PCED1B: variants seen among roughly 807,000 people sequenced by gnomAD.
The protein encoded by PCED1B is PC-esterase domain containing 1B.
For missense variants in PCED1B, 573 were observed against 573.9 expected, an observed-to-expected ratio of 1.00 and a Z score of 0.02; for synonymous variants, 251 against 246.1, an observed-to-expected ratio of 1.02 and a Z score of -0.19.
intron 1 of PCED1B, among the ~76,000 whole-genome samples, chr12:47,090,899 A>AAATTGGAACAACCATTTGTTCCAAC (rs1938235635): frequency 6.6e-6 from 1 of 150,386 alleles, no homozygotes; most frequent in South Asian, 2.2e-4. Flanking sequence ...ATTGTTCCAA[A>AAATTGGAACAACCATTTGTTCCAAC]AATTGGAACA....
At chr12:47,117,543 C>T (rs1372408338) in intron 2 of PCED1B, among the ~76,000 whole-genome samples, 1 of 152,212 alleles carries the variant, frequency 6.6e-6, no homozygotes, top group Non-Finnish European at 1.5e-5. Flanking sequence ...TTCTTTATGG[C>T]TGCATAGTAT....
At chr12:47,223,391 T>C (rs899100409) in intron 3 of PCED1B, 4 of 151,464 alleles carry the variant, frequency 2.6e-5, no homozygotes, top group Non-Finnish European at 5.9e-5. Context: ...AACGGAGGAG[T>C]GAGTGGGAGG....
intron 3 of PCED1B, among the ~76,000 whole-genome samples, chr12:47,226,653 G>C (rs1165505535): frequency 6.6e-6 from 1 of 152,190 alleles, no homozygotes. Context: ...GAGATTACAG[G>C]CGTGAGCCAC....
At chr12:47,229,048 T>G (rs1943718708) in intron 3 of PCED1B, among the ~76,000 whole-genome samples, 1 of 152,058 alleles carries the variant, frequency 6.6e-6, no homozygotes, top group Admixed American at 6.6e-5. Flanking sequence ...TCTTCTTTAT[T>G]GATGATTAAC....
At chr12:47,091,359 G>C (rs1938257768) in intron 1 of PCED1B, among the ~76,000 whole-genome samples, 1 of 151,892 alleles carries the variant, frequency 6.6e-6, no homozygotes, top group Non-Finnish European at 1.5e-5. Flanking sequence ...TGCCCATTAT[G>C]CTGTTGAGTT....
At chr12:47,164,021 G>C (rs2137518856) in intron 2 of PCED1B, among the ~76,000 whole-genome samples, 1 of 152,278 alleles carries the variant, frequency 6.6e-6, no homozygotes, top group African/African-American at 2.4e-5. Context: ...ATCTACTTAT[G>C]AGGGATTAAT....
chr12:47,228,787 C>T (rs11833523), intron 3 of PCED1B, among the ~76,000 whole-genome samples: 1,786 of 151,722 alleles, frequency 0.012, 34 homozygotes, highest in African/African-American at 0.041. Context: ...GCAGGAGAAT[C>T]GCTTGAACCT....
rs1565618943 is a variant in PCED1B, at chr12:47,234,938, C to T, written c.-57-69C>T. On this transcript the variant is annotated intron_variant, in intron 3 of 3. Transcript: ENST00000546455. ...CATCCCCTTCCCCATGGTCTCCCTA[C>T]CCCCAACCTGCACTGGGCGCTCCGC... 7 of 829,226 alleles carry T rather than the reference C, an allele frequency of 8.4e-6. No homozygotes were observed. The Admixed American group carries it at 1.3e-4, about 15-fold the overall frequency. The allele number at this position is 829,226 out of a possible 1,614,324, so 51.4% of individuals were successfully genotyped here.
intron 2 of PCED1B, among the ~76,000 whole-genome samples, chr12:47,200,077 A>G (rs534522170): frequency 6.6e-6 from 1 of 152,218 alleles, no homozygotes; most frequent in East Asian, 1.9e-4. Context: ...GCACAAGCCT[A>G]TAGTCCCAGC....
intron 2 of PCED1B, among the ~76,000 whole-genome samples, chr12:47,175,201 G>A (rs1334040701): frequency 6.6e-6 from 1 of 152,134 alleles, no homozygotes; most frequent in African/African-American, 2.4e-5. Flanking sequence ...AAAATATGGT[G>A]CTGGCTTTAT....
intron 3 of PCED1B, among the ~76,000 whole-genome samples, chr12:47,218,548 A>T (rs1262475320): frequency 6.6e-6 from 1 of 152,208 alleles, no homozygotes; most frequent in African/African-American, 2.4e-5. Context: ...CAGTGGTGCC[A>T]TCACGACTCA....
chr12:47,204,966 G>C (rs1287275890), intron 2 of PCED1B, among the ~76,000 whole-genome samples: 2 of 152,206 alleles, frequency 1.3e-5, no homozygotes, highest in Non-Finnish European at 2.9e-5. Flanking sequence ...CACCTAACAG[G>C]TTCTCCTTGC....
intron 2 of PCED1B, among the ~76,000 whole-genome samples, chr12:47,139,672 A>C (rs572785096): frequency 1.3e-5 from 2 of 152,168 alleles, no homozygotes; most frequent in East Asian, 3.9e-4. Context: ...TGTGTAGTGC[A>C]TGTGTGGCAA....
chr12:47,231,751 A>T (rs561026833), intron 3 of PCED1B, among the ~76,000 whole-genome samples: 1 of 152,230 alleles, frequency 6.6e-6, no homozygotes, highest in African/African-American at 2.4e-5. Context: ...GCACTAAATT[A>T]TTAGATCTGC....
chr12:47,153,535 A>G (rs1285745181), intron 2 of PCED1B, among the ~76,000 whole-genome samples: 1 of 152,288 alleles, frequency 6.6e-6, no homozygotes, highest in Middle Eastern at 3.4e-3. Flanking sequence ...CTTTGAATAT[A>G]AGGACAAAGA....
intron 2 of PCED1B, among the ~76,000 whole-genome samples, chr12:47,147,535 C>T (rs1940837691): frequency 6.6e-6 from 1 of 152,028 alleles, no homozygotes; most frequent in African/African-American, 2.4e-5. Context: ...TCTATTTACT[C>T]TCCATATTTC....
At chr12:47,111,970 T>C (rs1354306096) in intron 2 of PCED1B, among the ~76,000 whole-genome samples, 1 of 152,178 alleles carries the variant, frequency 6.6e-6, no homozygotes, top group Non-Finnish European at 1.5e-5. Flanking sequence ...CCTCATAAGC[T>C]GTTGGTGGGG....
At chr12:47,193,257 A>G (rs1942500947) in intron 2 of PCED1B, among the ~76,000 whole-genome samples, 1 of 152,222 alleles carries the variant, frequency 6.6e-6, no homozygotes, top group Non-Finnish European at 1.5e-5. Context: ...TCACACAGGA[A>G]GTACAAAGTG....
chr12:47,166,909 C>T (rs538622666), intron 2 of PCED1B, among the ~76,000 whole-genome samples: 1 of 152,230 alleles, frequency 6.6e-6, no homozygotes, highest in Admixed American at 6.5e-5. Context: ...ACATACGTAA[C>T]ACCAGAGTTT....
Sources: allele counts gnomAD v4.1 joint callset (sites outside exome capture counted in the v4.1 genomes callset), GRCh38; gene constraint gnomAD v4.1.1; transcripts MANE v1.5; gene names NCBI Gene and HGNC (gene_info 2026-07-23, HGNC 2026-07-21).